Variants in ORC5 observed in about 807,000 individuals in gnomAD.
The protein encoded by ORC5 is origin recognition complex subunit 5.
In ORC5, 39 loss-of-function variants were observed where a neutral mutation model predicts 58.8. The ratio of observed to expected loss-of-function variants is 0.66; its 90% CI spans 0.51 to 0.87. The LOEUF is 0.87. Ranked by LOEUF, ORC5 falls within the 40% of genes least tolerant of loss-of-function variation. ORC5 has a pLI of 0.00. For missense variants in ORC5, 493 were observed against 506.3 expected, an observed-to-expected ratio of 0.97 and a Z score of 0.25; for synonymous variants, 218 against 177.6, an observed-to-expected ratio of 1.23 and a Z score of -1.81.
At chr7:104,163,022 T>C (rs537074631) in intron 11 of ORC5, among the ~76,000 whole-genome samples, 1 of 152,354 alleles carries the variant, frequency 6.6e-6, no homozygotes, top group African/African-American at 2.4e-5. Context: ...TCTAGTCCAT[T>C]TTTAAATTAC....
At chr7:104,204,902 T>A (rs1454911877) in intron 1 of ORC5, among the ~76,000 whole-genome samples, 1 of 152,144 alleles carries the variant, frequency 6.6e-6, no homozygotes, top group Non-Finnish European at 1.5e-5. Flanking sequence ...CTGGTCTAGT[T>A]AATACTACAA....
intron 8 of ORC5, among the ~76,000 whole-genome samples, chr7:104,168,841 G>C (rs1799156187): frequency 6.6e-6 from 1 of 152,138 alleles, no homozygotes; most frequent in African/African-American, 2.4e-5. Flanking sequence ...CAGCACTTTG[G>C]GAGGCCAAGA....
At chr7:104,180,744 T>C (rs1799415955) in intron 8 of ORC5, among the ~76,000 whole-genome samples, 1 of 152,216 alleles carries the variant, frequency 6.6e-6, no homozygotes, top group Admixed American at 6.5e-5. Flanking sequence ...CTTTCAGTTA[T>C]ATTTATAGGT....
At chr7:104,179,889 ACT>A (rs1346725942) in intron 8 of ORC5, among the ~76,000 whole-genome samples, 5 of 152,056 alleles carry the variant, frequency 3.3e-5, no homozygotes, top group African/African-American at 7.2e-5. Context: ...TGAGGTGATA[ACT>A]CTCTCTTTTA....
intron 8 of ORC5, among the ~76,000 whole-genome samples, chr7:104,178,913 C>CA (rs142745123): frequency 0.044 from 6,648 of 150,308 alleles, 481 homozygotes; most frequent in African/African-American, 0.15. Context: ...CTTACAAAGC[C>CA]AAAAAAAAGT....
At chr7:104,171,825 A>G (rs1288521052) in intron 8 of ORC5, among the ~76,000 whole-genome samples, 4 of 152,112 alleles carry the variant, frequency 2.6e-5, no homozygotes. Flanking sequence ...ACTGCACTCC[A>G]GCCTGGACGA....
chr7:104,167,557 T>C (rs1799128617), intron 9 of ORC5, among the ~76,000 whole-genome samples: 2 of 152,178 alleles, frequency 1.3e-5, no homozygotes, highest in Admixed American at 6.5e-5. Context: ...CTACACTGCC[T>C]TGCACATAGA....
Position 104,161,186 on chromosome 7 carries a change from TA to T in ORC5, c.1039-5del. 1 of 1,519,016 alleles carries T rather than the reference TA, an allele frequency of 6.6e-7. No individual in the cohort carries two copies. Among genetic ancestry groups the T allele is most frequent in the South Asian group, 1.1e-5 (1 of 87,842 alleles). 94.1% of individuals were successfully genotyped at this position (1,519,016 alleles called of 1,614,324 possible). A position where few individuals can be genotyped will look rare whatever the true frequency, so the allele number is the denominator to read the frequency against. On this transcript the variant is annotated splice_region_variant and splice_polypyrimidine_tract_variant and intron_variant, in intron 11 of 13. Transcript: ENST00000297431. ...GCCCAAGGAGATGATTGCTTGTCTGTAAAAAACAAAACAAAAACATGGATTT... is the reference window on the plus strand; with the variant it reads ...GCCCAAGGAGATGATTGCTTGTCTGTAAAAACAAAACAAAAACATGGATTT...
chr7:104,156,035 C>A (rs1164430913), intron 12 of ORC5, among the ~76,000 whole-genome samples: 1 of 151,572 alleles, frequency 6.6e-6, no homozygotes, highest in East Asian at 1.9e-4. Flanking sequence ...AAACTTTACC[C>A]ATTTACTGCA....
chr7:104,188,187 T>C, intron 6 of ORC5, 64 bp downstream of exon 6: 1 of 1,163,752 alleles, frequency 8.6e-7, no homozygotes, highest in Non-Finnish European at 1.2e-6. Context: ...TATATACACA[T>C]ATATGTATAC....
intron 8 of ORC5, 32 bp downstream of exon 8, chr7:104,183,911 A>G: frequency 7.4e-7 from 1 of 1,358,102 alleles, no homozygotes; most frequent in African/African-American, 1.5e-5. Flanking sequence ...TAAAGATATA[A>G]AAACTAGTAT....
intron 11 of ORC5, among the ~76,000 whole-genome samples, chr7:104,161,534 G>A (rs1799022357): frequency 6.6e-6 from 1 of 151,962 alleles, no homozygotes; most frequent in Non-Finnish European, 1.5e-5. Flanking sequence ...CAATGTTTGG[G>A]TATTTTTACA....
intron 12 of ORC5, among the ~76,000 whole-genome samples, chr7:104,142,011 A>G (rs1798681510): frequency 6.6e-6 from 1 of 152,168 alleles, no homozygotes; most frequent in Non-Finnish European, 1.5e-5. Flanking sequence ...AAACTACAGT[A>G]ATCAAAACAG....
intron 8 of ORC5, among the ~76,000 whole-genome samples, chr7:104,176,725 A>G (rs1422110794): frequency 6.6e-6 from 1 of 152,204 alleles, no homozygotes; most frequent in African/African-American, 2.4e-5. Flanking sequence ...CAGTAGTTCA[A>G]TACTTTTTTA....
chr7:104,148,612 A>G (rs1045242558), intron 12 of ORC5, among the ~76,000 whole-genome samples: 2 of 152,224 alleles, frequency 1.3e-5, no homozygotes, highest in African/African-American at 4.8e-5. Flanking sequence ...TGTTAGATGT[A>G]TGAGTTTGAT....
chr7:104,157,470 A>C (rs762022663), intron 12 of ORC5, among the ~76,000 whole-genome samples: 2 of 152,110 alleles, frequency 1.3e-5, no homozygotes, highest in South Asian at 2.1e-4. Context: ...ATAAAGAATA[A>C]AAAGATCAGC....
intron 2 of ORC5, 119 bp downstream of exon 2, chr7:104,204,023 G>A: frequency 1.9e-6 from 1 of 525,994 alleles, no homozygotes; most frequent in Non-Finnish European, 3.4e-6. Flanking sequence ...AGATAATATG[G>A]GAAGGAGAGT....
intron 13 of ORC5, among the ~76,000 whole-genome samples, chr7:104,134,731 G>C (rs1798563313): frequency 6.6e-6 from 1 of 152,132 alleles, no homozygotes; most frequent in South Asian, 2.1e-4. Context: ...CCCAAAGAAG[G>C]AATCAGGTTT....
chr7:104,188,200 AC>A, intron 6 of ORC5, 50 bp downstream of exon 6: 2 of 1,250,078 alleles, frequency 1.6e-6, no homozygotes, highest in African/African-American at 1.5e-5. Context: ...ATGTATACAC[AC>A]ACACACACAC....
Sources: gnomAD v4.1 joint callset for allele counts (sites outside exome capture counted in the v4.1 genomes callset) on GRCh38, gnomAD v4.1.1 for gene constraint, MANE v1.5 for transcripts, NCBI Gene and HGNC (gene_info 2026-07-23, HGNC 2026-07-21) for gene names.